The following PDE10A variants were observed in gnomAD, a reference collection of about 807,000 sequenced individuals.
PDE10A encodes phosphodiesterase 10A.
A neutral mutation model predicts 97.7 loss-of-function variants in PDE10A; 39 were observed. The ratio of observed to expected loss-of-function variants is 0.40; its 90% CI spans 0.31 to 0.52. The LOEUF is 0.52. PDE10A is among the 20% of genes least tolerant of loss of function. The probability of loss-of-function intolerance (pLI) is 0.56; values close to 1 mark genes in which losing one functional copy is unlikely to be tolerated. For synonymous variants in PDE10A, 371 were observed against 376.8 expected (o/e 0.98, Z 0.18); for missense variants, 731 against 1,047.8 (o/e 0.70, Z 4.17).
At chr6:165,704,632 C>A (rs762629847) in intron 1 of PDE10A, among the ~76,000 whole-genome samples, 9 of 151,938 alleles carry the variant, frequency 5.9e-5, no homozygotes, top group Non-Finnish European at 4.4e-5. Flanking sequence ...ATCAGAGTCA[C>A]CAACAGCAAA....
intron 1 of PDE10A, among the ~76,000 whole-genome samples, chr6:165,979,571 C>A (rs1784949057): frequency 6.6e-6 from 1 of 152,194 alleles, no homozygotes. Context: ...AGTTGCCTCA[C>A]TTACAAAAAC....
At chr6:165,659,820 C>T (rs999747436) in intron 1 of PDE10A, among the ~76,000 whole-genome samples, 25 of 152,334 alleles carry the variant, frequency 1.6e-4, no homozygotes, top group Non-Finnish European at 3.2e-4. Context: ...TGCTACGAAT[C>T]CCGAGAGGAC....
intron 1 of PDE10A, among the ~76,000 whole-genome samples, chr6:165,933,468 G>A (rs942439747): frequency 4.6e-5 from 7 of 152,130 alleles, no homozygotes; most frequent in African/African-American, 7.2e-5. Context: ...CAAGCCAGTC[G>A]ATCTTTTATA....
intron 1 of PDE10A, among the ~76,000 whole-genome samples, chr6:165,656,621 G>T (rs2322948): frequency 0.7 from 106,579 of 151,858 alleles, 37,697 homozygotes; most frequent in Middle Eastern, 0.8. Flanking sequence ...CCTCTCTCCT[G>T]TCTTATCACC....
At chr6:165,537,794 T>C (rs1476116353) in intron 2 of PDE10A, among the ~76,000 whole-genome samples, 2 of 128,534 alleles carry the variant, frequency 1.6e-5, no homozygotes, top group South Asian at 2.7e-4. Flanking sequence ...ATAAAATATA[T>C]GAAAATTCTG....
At chr6:165,593,217 C>T (rs1786385489) in intron 1 of PDE10A, among the ~76,000 whole-genome samples, 1 of 152,124 alleles carries the variant, frequency 6.6e-6, no homozygotes, top group Admixed American at 6.5e-5. Flanking sequence ...CGAAACACTG[C>T]ATGTTCTCAC....
intron 1 of PDE10A, among the ~76,000 whole-genome samples, chr6:165,963,380 G>A (rs1288849706): frequency 6.6e-6 from 1 of 152,204 alleles, no homozygotes; most frequent in Non-Finnish European, 1.5e-5. Flanking sequence ...CCTAGTAGGA[G>A]CTGCTATCCT....
chr6:165,652,192 A>G (rs1789718206), intron 1 of PDE10A, among the ~76,000 whole-genome samples: 1 of 152,196 alleles, frequency 6.6e-6, no homozygotes, highest in South Asian at 2.1e-4. Context: ...TATAACCCTG[A>G]GACACCAATA....
chr6:165,632,147 CCA>C (rs1196606606), intron 1 of PDE10A, among the ~76,000 whole-genome samples: 2 of 134,294 alleles, frequency 1.5e-5, no homozygotes, highest in African/African-American at 5.4e-5. Context: ...TTGCAGTGAG[CCA>C]AGATTGCGCC....
chr6:165,838,744 T>G (rs1184964115), intron 1 of PDE10A, among the ~76,000 whole-genome samples: 1 of 152,230 alleles, frequency 6.6e-6, no homozygotes, highest in Admixed American at 6.5e-5. Flanking sequence ...TCACTGAAAC[T>G]TTTTCTTCTT....
intron 1 of PDE10A, among the ~76,000 whole-genome samples, chr6:165,551,939 C>T (rs997581738): frequency 5.9e-5 from 9 of 152,036 alleles, no homozygotes; most frequent in Non-Finnish European, 1.2e-4. Flanking sequence ...CCTATGCTTC[C>T]CCCATTTCAG....
intron 10 of PDE10A, among the ~76,000 whole-genome samples, chr6:165,427,584 A>G (rs1341783742): frequency 6.6e-6 from 1 of 152,136 alleles, no homozygotes; most frequent in Non-Finnish European, 1.5e-5. Context: ...AGTTGCACAT[A>G]TCCGTGAATA....
intron 14 of PDE10A, 78 bp downstream of exon 14, chr6:165,396,239 A>G (rs1786148176): frequency 2.9e-6 from 4 of 1,361,798 alleles, no homozygotes; most frequent in East Asian, 4.6e-5. Flanking sequence ...TGTGACTCTA[A>G]TTCTATAATC....
intron 10 of PDE10A, among the ~76,000 whole-genome samples, chr6:165,426,666 C>T (rs973982516): frequency 6.6e-6 from 1 of 152,004 alleles, no homozygotes; most frequent in African/African-American, 2.4e-5. Flanking sequence ...ATGACACTAT[C>T]AAGAAAGTGA....
intron 2 of PDE10A, among the ~76,000 whole-genome samples, chr6:165,487,580 G>A (rs1779992417): frequency 6.6e-6 from 1 of 152,168 alleles, no homozygotes; most frequent in South Asian, 2.1e-4. Flanking sequence ...AAAAGGTTGG[G>A]AACCGCTGGT....
At chr6:165,906,016 C>T in intron 1 of PDE10A, among the ~76,000 whole-genome samples, 1 of 36,428 alleles carries the variant, frequency 2.7e-5, no homozygotes, top group Non-Finnish European at 4.9e-5. Flanking sequence ...TCCTTCCTTC[C>T]CTCCCTCCCT....
chr6:165,443,664 G>T (rs944335093), intron 5 of PDE10A, among the ~76,000 whole-genome samples: 2 of 152,086 alleles, frequency 1.3e-5, no homozygotes, highest in Non-Finnish European at 2.9e-5. Context: ...TCTCCGTGAG[G>T]GCTCTGCCCC....
intron 18 of PDE10A, among the ~76,000 whole-genome samples, chr6:165,350,188 G>A (rs147216698): frequency 1.1e-4 from 16 of 152,290 alleles, no homozygotes; most frequent in Non-Finnish European, 1.9e-4. Context: ...GCAAGCAGCC[G>A]GGAGGGTAAC....
intron 1 of PDE10A, among the ~76,000 whole-genome samples, chr6:165,954,427 C>A (rs1235050208): frequency 6.6e-6 from 1 of 152,196 alleles, no homozygotes; most frequent in African/African-American, 2.4e-5. Context: ...TGGTTTGGTT[C>A]TAGACATTCA....
Sources: gnomAD v4.1 joint callset for allele counts (sites outside exome capture counted in the v4.1 genomes callset) on GRCh38, gnomAD v4.1.1 for gene constraint, MANE v1.5 for transcripts, NCBI Gene and HGNC (gene_info 2026-07-23, HGNC 2026-07-21) for gene names.